Variants in GRK5 observed in about 807,000 individuals in gnomAD.
GRK5 encodes G protein-coupled receptor kinase 5, also known as g protein-coupled receptor kinase GRK5.
A neutral mutation model predicts 78.4 loss-of-function variants in GRK5; 40 were observed. The ratio of observed to expected loss-of-function variants is 0.51; its 90% CI spans 0.40 to 0.66. The LOEUF (loss-of-function observed/expected upper bound fraction) is 0.66, where lower values mean the gene tolerates loss of function less well. Among genes scored for constraint, GRK5 ranks in the 30% least tolerant of loss-of-function variants. The pLI, the probability that GRK5 is intolerant of heterozygous loss-of-function variation, is 0.00. For synonymous variants in GRK5, 289 were observed against 296.8 expected (o/e 0.97, Z 0.27); for missense variants, 598 against 759.9 (o/e 0.79, Z 2.50).
At chr10:119,241,951 T>C (rs193169606) in intron 1 of GRK5, among the ~76,000 whole-genome samples, 52 of 152,058 alleles carry the variant, frequency 3.4e-4, no homozygotes, top group Admixed American at 7.2e-4. Flanking sequence ...TTCTGGAGGG[T>C]AGGGAAGCCA....
At chr10:119,305,713 T>C (rs1488016750) in intron 1 of GRK5, among the ~76,000 whole-genome samples, 1 of 152,136 alleles carries the variant, frequency 6.6e-6, no homozygotes, top group African/African-American at 2.4e-5. Flanking sequence ...GCAACGTCAT[T>C]TGAGAGGTAA....
intron 8 of GRK5, among the ~76,000 whole-genome samples, chr10:119,434,830 C>T (rs1035065054): frequency 6.6e-6 from 1 of 152,232 alleles, no homozygotes; most frequent in Non-Finnish European, 1.5e-5. Context: ...CCCACATTTC[C>T]CTTCTGCACT....
chr10:119,365,467 G>A (rs1474483143), intron 2 of GRK5, among the ~76,000 whole-genome samples: 1 of 152,232 alleles, frequency 6.6e-6, no homozygotes, highest in Admixed American at 6.5e-5. Flanking sequence ...CTTCATGGCG[G>A]TTAAAATGCC....
intron 1 of GRK5, among the ~76,000 whole-genome samples, chr10:119,284,781 C>T (rs1405368184): frequency 6.6e-6 from 1 of 152,210 alleles, no homozygotes; most frequent in East Asian, 1.9e-4. Context: ...CTGCCAGTGA[C>T]ACCACGTGTC....
intron 2 of GRK5, among the ~76,000 whole-genome samples, chr10:119,357,711 G>T (rs1851285895): frequency 1.3e-5 from 2 of 152,352 alleles, no homozygotes; most frequent in Middle Eastern, 3.4e-3. Context: ...CCATGCAAGA[G>T]GGCTGTCCCC....
chr10:119,395,831 C>A (rs1465352501), intron 3 of GRK5, among the ~76,000 whole-genome samples: 1 of 152,108 alleles, frequency 6.6e-6, no homozygotes, highest in Non-Finnish European at 1.5e-5. Flanking sequence ...GGTTCGAGTC[C>A]CAGCCCTGCC....
chr10:119,297,550 G>T (rs1320367212), intron 1 of GRK5, among the ~76,000 whole-genome samples: 1 of 152,226 alleles, frequency 6.6e-6, no homozygotes, highest in Non-Finnish European at 1.5e-5. Context: ...AGTAGAACTG[G>T]TTAAGAGGTG....
At chr10:119,295,700 A>G (rs1006619651) in intron 1 of GRK5, among the ~76,000 whole-genome samples, 2 of 148,766 alleles carry the variant, frequency 1.3e-5, no homozygotes, top group Non-Finnish European at 3.0e-5. Flanking sequence ...GAAGTAACTC[A>G]GGAATGGAAA....
intron 1 of GRK5, among the ~76,000 whole-genome samples, chr10:119,299,214 G>A (rs532783740): frequency 6.6e-6 from 1 of 152,164 alleles, no homozygotes; most frequent in Non-Finnish European, 1.5e-5. Context: ...AGGCCAAGGC[G>A]GGTGGATCAC....
At chr10:119,416,228 A>G (rs1269034196) in intron 4 of GRK5, among the ~76,000 whole-genome samples, 1 of 152,242 alleles carries the variant, frequency 6.6e-6, no homozygotes, top group Non-Finnish European at 1.5e-5. Flanking sequence ...TTTCGCACTG[A>G]TGCAGGAAAT....
intron 15 of GRK5, among the ~76,000 whole-genome samples, chr10:119,454,487 C>T (rs544858898): frequency 6.6e-6 from 1 of 152,330 alleles, no homozygotes; most frequent in African/African-American, 2.4e-5. Context: ...TCACGGGATG[C>T]AGAGGGAAGG....
At position 119,436,648 on chromosome 10, in the gene GRK5, C is replaced by G. The variant is rs982892791; in HGVS notation, c.739-3C>G. 1 of 1,614,116 alleles carries G rather than the reference C, an allele frequency of 6.2e-7. No individual in the cohort carries two copies. The highest frequency in any genetic ancestry group is 8.5e-7 in the Non-Finnish European group (1 of 1,179,994). On this transcript the variant is annotated splice_region_variant and splice_polypyrimidine_tract_variant and intron_variant, in intron 8 of 15. Transcript: ENST00000392870. Reference sequence around the variant, plus strand: ...CCCCATGGCACTGTTCTTGTGCTCCCAGGTCAACCTGGCCTATGCCTACGA... The same window carrying G: ...CCCCATGGCACTGTTCTTGTGCTCCGAGGTCAACCTGGCCTATGCCTACGA...
intron 1 of GRK5, among the ~76,000 whole-genome samples, chr10:119,315,252 C>T (rs1850466965): frequency 6.6e-6 from 1 of 152,234 alleles, no homozygotes; most frequent in Admixed American, 6.5e-5. Flanking sequence ...CACCTCAATA[C>T]ACTTGGCTGG....
In GRK5 at chr10:119,369,017, C is replaced by G. The variant is rs548064154; in HGVS notation, c.149-11798C>G. Among the ~76,000 whole-genome samples, 133 of 152,310 alleles carry G rather than the reference C, an allele frequency of 8.7e-4. 1 individual carries two copies. The highest frequency in any genetic ancestry group is 8.6e-3 in the Admixed American group (132 of 15,312). On this transcript the variant is annotated intron_variant, in intron 2 of 15. Coordinates refer to ENST00000392870, the MANE Select transcript of GRK5 (RefSeq NM_005308.3). ...CTGTTTGTTGGTTTGTTCAATCATTCATTCATTTTAGATAAACACCTGTGC... is the reference window on the plus strand; with the variant it reads ...CTGTTTGTTGGTTTGTTCAATCATTGATTCATTTTAGATAAACACCTGTGC...
intron 10 of GRK5, 47 bp downstream of exon 10, chr10:119,439,815 A>G (rs1406276212): frequency 1.3e-6 from 2 of 1,577,792 alleles, no homozygotes; most frequent in Admixed American, 1.7e-5. Context: ...TGCAACCCCA[A>G]GAAAGCAAAG....
chr10:119,261,039 C>G (rs1158905477), intron 1 of GRK5, among the ~76,000 whole-genome samples: 2 of 4,160 alleles, frequency 4.8e-4, no homozygotes, highest in Non-Finnish European at 9.8e-4. Context: ...AGGGGGCTGA[C>G]CCCCCCACCT....
rs139396217 is a variant in GRK5 at position 119,375,334 on chromosome 10, T to G, written c.149-5481T>G. 2.4e-3 allele frequency among the ~76,000 whole-genome samples: 368 copies of G among 152,262 alleles called. 5 individuals carry two copies. The highest frequency in any genetic ancestry group is 8.7e-3 in the African/African-American group (362 of 41,554). On this transcript the variant is annotated intron_variant, in intron 2 of 15. Transcript: ENST00000392870. ...AGCCCCATTCTCTCTGGCTTTGACC[T>G]TTTTCCCTCTTCTTCACCTGGACTC... is the stretch of plus-strand genomic sequence containing the variant.
At chr10:119,307,753 C>G (rs1460569388) in intron 1 of GRK5, among the ~76,000 whole-genome samples, 4 of 103,794 alleles carry the variant, frequency 3.9e-5, no homozygotes, top group Non-Finnish European at 9.2e-5. Flanking sequence ...CAGCCATGCT[C>G]TACTCTGGTC....
chr10:119,344,943 C>T (rs1851062334), intron 2 of GRK5, among the ~76,000 whole-genome samples: 1 of 90,300 alleles, frequency 1.1e-5, no homozygotes, highest in Non-Finnish European at 2.5e-5. Flanking sequence ...CCTTTTCCTC[C>T]CTCCCTCCCT....
Sources: gnomAD v4.1 joint callset for allele counts (sites outside exome capture counted in the v4.1 genomes callset) on GRCh38, gnomAD v4.1.1 for gene constraint, MANE v1.5 for transcripts, NCBI Gene and HGNC (gene_info 2026-07-23, HGNC 2026-07-21) for gene names.